PGM1: variants seen among roughly 807,000 people sequenced by gnomAD.
PGM1 encodes phosphoglucomutase 1.
In PGM1, 52 loss-of-function variants were observed where a neutral mutation model predicts 55.6. The ratio of observed to expected loss-of-function variants is 0.94; its 90% CI spans 0.75 to 1.18. The LOEUF (loss-of-function observed/expected upper bound fraction) is 1.18. Among genes scored for constraint, PGM1 ranks in the 50% most tolerant of loss-of-function variants. The pLI is 0.00. For synonymous variants in PGM1, 287 were observed against 271.7 expected, an observed-to-expected ratio of 1.06 and a Z score of -0.55; for missense variants, 724 against 729.3, an observed-to-expected ratio of 0.99 and a Z score of 0.08.
intron 1 of PGM1, among the ~76,000 whole-genome samples, chr1:63,621,670 T>C (rs1648882271): frequency 1.3e-5 from 2 of 152,204 alleles, no homozygotes; most frequent in Admixed American, 1.3e-4. Context: ...AATTTGACTT[T>C]TAAAAACAAA....
chr1:63,655,189 A>C (rs1649929409), intron 10 of PGM1, among the ~76,000 whole-genome samples: 1 of 149,176 alleles, frequency 6.7e-6, no homozygotes, highest in South Asian at 2.1e-4. Context: ...TACATTGCCT[A>C]GGCTGGTCTT....
In PGM1 at chr1:63,651,654, C is replaced by A. The variant is rs770430225; in HGVS notation, c.1281-15C>A. 15 of 1,612,542 alleles carry A rather than the reference C, an allele frequency of 9.3e-6. No individual in the cohort carries two copies. Among genetic ancestry groups the A allele is most frequent in the Non-Finnish European group, 1.3e-5 (15 of 1,179,254 alleles). ...GCAGTCAGCCCGTGGGCCTCAACTT[C>A]GTGACTTCTTCCAGGTATGATTACG... On this transcript the variant is annotated splice_polypyrimidine_tract_variant and intron_variant, in intron 8 of 10. Transcript: ENST00000371084.
intron 1 of PGM1, among the ~76,000 whole-genome samples, chr1:63,599,724 A>C (rs1648183574): frequency 6.6e-6 from 1 of 152,142 alleles, no homozygotes. Flanking sequence ...CTGTGAGGTC[A>C]AGGCTTCAGT....
chr1:63,601,267 G>T (rs567711823), intron 1 of PGM1, among the ~76,000 whole-genome samples: 2 of 152,292 alleles, frequency 1.3e-5, no homozygotes, highest in Non-Finnish European at 2.9e-5. Context: ...ATCTTCCCTG[G>T]TTGTGAAACT....
chr1:63,653,733 G>A (rs929328594), intron 9 of PGM1, among the ~76,000 whole-genome samples: 23 of 152,176 alleles, frequency 1.5e-4, no homozygotes, highest in African/African-American at 4.6e-4. Context: ...GGATGGGCTT[G>A]GCACTTCACA....
chr1:63,628,973 T>TAA (rs1318926597), intron 1 of PGM1, among the ~76,000 whole-genome samples: 1 of 152,238 alleles, frequency 6.6e-6, no homozygotes, highest in African/African-American at 2.4e-5. Context: ...CTTTTTACTT[T>TAA]AAAAAAGCCT....
chr1:63,629,642 A>C, intron 2 of PGM1, 55 bp downstream of exon 2: 2 of 1,541,948 alleles, frequency 1.3e-6, no homozygotes, highest in Non-Finnish European at 1.8e-6. Flanking sequence ...AGGACAAATC[A>C]ATACCTGGAG....
In PGM1 at chr1:63,629,944, C is replaced by A. The variant is rs1441156973; in HGVS notation, c.412C>A (p.Pro138Thr). 1 of 1,614,010 alleles carries A rather than the reference C, an allele frequency of 6.2e-7. No individual in the cohort carries two copies. Residue 138 changes from proline (P) to threonine (T), a missense_variant and splice_region_variant, in exon 3 of 11, where the codon CCT becomes ACT. Around this residue, in one of 3 missense-constraint regions of PGM1, gnomAD observed 379 missense variants for 357.5 expected, o/e 1.06. Transcript: ENST00000371084. ...ACTGTTTGCTGTTTGGTTTCCAGGT[C>A]CTGCTCCAGAAGCAATAACTGATAA... ...GIKFNISNGG[P>T]APEAITDKIF...
intron 7 of PGM1, among the ~76,000 whole-genome samples, chr1:63,645,917 G>A (rs932003241): frequency 1.3e-5 from 2 of 152,136 alleles, no homozygotes; most frequent in African/African-American, 4.8e-5. Flanking sequence ...AGAGATGCCC[G>A]TAAGAAGCAC....
At chr1:63,651,607 C>T in intron 8 of PGM1, 62 bp from the exon 9 acceptor site, 1 of 1,479,532 alleles carries the variant, frequency 6.8e-7, no homozygotes, top group Admixed American at 1.7e-5. Flanking sequence ...AAAGTGCTGA[C>T]TGATAGGCCT....
chr1:63,656,858 G>C lies in PGM1; in HGVS notation c.1599+2392G>C, dbSNP rs557262374. On this transcript the variant is annotated intron_variant, in intron 10 of 10. Transcript: ENST00000371084. ...GAAAATGGAGAGATATTGGTCCAAA[G>C]GGTACAAAATTTCAGTTATGTAGGA... 3.9e-5 allele frequency among the ~76,000 whole-genome samples: 6 copies of C among 152,196 alleles called. No individual in the cohort carries two copies. The East Asian group carries it at 1.2e-3, about 29-fold the overall frequency.
intron 1 of PGM1, among the ~76,000 whole-genome samples, chr1:63,618,925 C>T (rs1648814333): frequency 6.6e-6 from 1 of 152,166 alleles, no homozygotes; most frequent in Non-Finnish European, 1.5e-5. Flanking sequence ...TCTTCCCGTA[C>T]ATCAGATCCA....
intron 1 of PGM1, chr1:63,594,106 C>T (rs1647962850): frequency 9.8e-6 from 10 of 1,016,242 alleles, no homozygotes; most frequent in Non-Finnish European, 1.2e-5. Flanking sequence ...TTGGAAGATA[C>T]GATTACGGCG....
chr1:63,631,522 C>T (rs925258054), intron 3 of PGM1, 135 bp from the exon 4 acceptor site: 16 of 785,010 alleles, frequency 2.0e-5, no homozygotes, highest in Middle Eastern at 3.3e-4. Context: ...ACTTAACAGC[C>T]GTATTATTGG....
rs1352202948 is a variant in PGM1 at position 63,651,818 on chromosome 1, G to A, written c.1430G>A (p.Ser477Asn). 1.9e-6 allele frequency: 3 copies of A among 1,613,972 alleles called. No individual in the cohort carries two copies. The African/African-American group carries it at 4.0e-5, about 22-fold the overall frequency. Residue 477 changes from serine (S) to asparagine (N), a missense_variant, in exon 9 of 11, where the codon AGC becomes AAC. Transcript: ENST00000371084. ...TVEKADNFEY[S>N]DPVDGSISRN... The stretch of plus-strand genomic sequence containing the variant: ...GAGAAGGCCGATAACTTTGAATACA[G>A]CGACCCAGTGGATGGAAGCATTTCA...
intron 10 of PGM1, among the ~76,000 whole-genome samples, chr1:63,656,590 GTGTGTGTGTGTGTGTGTA>G (rs981409861): frequency 1.0e-4 from 15 of 147,316 alleles, no homozygotes; most frequent in African/African-American, 3.8e-4. Context: ...GTGTGTGTGT[GTGTGTGTGTGTGTGTGTA>G]TACCACAATG....
At position 63,659,717 on chromosome 1, in the gene PGM1, C is replaced by T; in HGVS notation, c.*42C>T. On this transcript the variant is annotated 3_prime_UTR_variant, in exon 11 of 11. Coordinates refer to ENST00000371084, the MANE Select transcript of PGM1 (RefSeq NM_002633.3). ...TGGTACGTCCCTCCACCCCCGGACC[C>T]ATCCAAGTCATCTGATTGAAGAGCA... 7.2e-7 allele frequency: 1 copy of T among 1,379,716 alleles called. No homozygotes were observed. 85.5% of individuals were successfully genotyped at this position (1,379,716 alleles called of 1,614,324 possible). A position where few individuals can be genotyped will look rare whatever the true frequency, so the allele number is the denominator to read the frequency against.
intron 5 of PGM1, among the ~76,000 whole-genome samples, chr1:63,635,722 G>A (rs1649344491): frequency 1.3e-5 from 2 of 152,216 alleles, no homozygotes; most frequent in African/African-American, 4.8e-5. Flanking sequence ...GGAAATTAAA[G>A]GGGTTCCAGC....
At chr1:63,648,947 T>A (rs1649731646) in intron 8 of PGM1, among the ~76,000 whole-genome samples, 1 of 152,206 alleles carries the variant, frequency 6.6e-6, no homozygotes, top group Admixed American at 6.5e-5. Flanking sequence ...GGATTTGGAT[T>A]CAGAGAAATG....
Sources: gnomAD v4.1 joint callset for allele counts (sites outside exome capture counted in the v4.1 genomes callset) on GRCh38, gnomAD v4.1.1 for gene constraint, gnomAD v4.1.1 regional missense constraint, MANE v1.5 for transcripts, NCBI Gene and HGNC (gene_info 2026-07-23, HGNC 2026-07-21) for gene names.